The following ABCC6 variants were observed in gnomAD, a reference collection of about 807,000 sequenced individuals.
ABCC6 encodes the protein ATP-binding cassette sub-family C member 6.
A neutral mutation model predicts 169.5 loss-of-function variants in ABCC6; 126 were observed. The ratio of observed to expected loss-of-function variants is 0.74; its 90% CI spans 0.64 to 0.86. The LOEUF (loss-of-function observed/expected upper bound fraction) is 0.86, where lower values mean the gene tolerates loss of function less well. Ranked by LOEUF, ABCC6 falls within the 40% of genes least tolerant of loss-of-function variation. ABCC6 has a pLI of 0.00. For synonymous variants in ABCC6, 752 were observed against 814.7 expected (o/e 0.92, Z 1.31); for missense variants, 1,733 against 1,927.2 (o/e 0.90, Z 1.89).
intron 24 of ABCC6, among the ~76,000 whole-genome samples, chr16:16,162,563 G>A (rs756760468): frequency 8.5e-5 from 13 of 152,202 alleles, no homozygotes; most frequent in Non-Finnish European, 1.8e-4. Flanking sequence ...CCATGAGCAC[G>A]ATCCCAGTTT....
At chr16:16,160,413 G>T (rs1194921483) in intron 25 of ABCC6, among the ~76,000 whole-genome samples, 1 of 151,992 alleles carries the variant, frequency 6.6e-6, no homozygotes, top group Non-Finnish European at 1.5e-5. Context: ...TAAGCAGGAA[G>T]ATTGTTTGAA....
rs1220230095 is a variant in ABCC6 at position 16,203,475 on chromosome 16, G to A, written c.933C>T (p.Phe311=). 1.2e-6 allele frequency: 2 copies of A among 1,613,888 alleles called. No individual in the cohort carries two copies. The highest frequency in any genetic ancestry group is 2.7e-5 in the African/African-American group (2 of 74,926). The change falls in exon 8 of 31, where the codon TTC becomes TTT. Residue 311 remains phenylalanine, a synonymous_variant. Transcript: ENST00000205557. ...KAIWQVFHST[F]LLGTLSLIIS... is the part of the protein sequence containing the mutation. ...TGATGAGGCTGAGGGTCCCCAGGAGGAAGGTAGAATGGAACACCTGCCAGA... is the reference window on the plus strand; with the variant it reads ...TGATGAGGCTGAGGGTCCCCAGGAGAAAGGTAGAATGGAACACCTGCCAGA...
intron 15 of ABCC6, among the ~76,000 whole-genome samples, chr16:16,183,354 C>T (rs767012883): frequency 1.8e-4 from 28 of 152,146 alleles, no homozygotes; most frequent in Non-Finnish European, 2.5e-4. Context: ...TTGGCTCTTG[C>T]GATAAATAGG....
chr16:16,217,879 C>T (rs2048939050), intron 4 of ABCC6, among the ~76,000 whole-genome samples: 1 of 152,200 alleles, frequency 6.6e-6, no homozygotes, highest in Non-Finnish European at 1.5e-5. Context: ...CACTTGAGGT[C>T]AGGCATTTGA....
intron 14 of ABCC6, among the ~76,000 whole-genome samples, chr16:16,185,618 T>TA (rs1252214899): frequency 1.3e-5 from 2 of 152,054 alleles, no homozygotes; most frequent in Admixed American, 1.3e-4. Flanking sequence ...ACCCTGCCTC[T>TA]ACCAAAAAAT....
rs1350480031 is a variant in ABCC6, at chr16:16,171,920, T to A, written c.2787+1364A>T. ...ATGGATAAATGAATGGGTGGGTGGG[T>A]GGGTGGATAAATGGGTGGGTGGGAT... On this transcript the variant is annotated intron_variant, in intron 21 of 30. Transcript: ENST00000205557. Among the ~76,000 whole-genome samples the A allele has an allele frequency of 4.4e-3, 30 of 6,768 alleles. 1 individual carries two copies. Among genetic ancestry groups the A allele is most frequent in the Non-Finnish European group, 6.6e-3 (21 of 3,168 alleles). 4.4% of individuals were successfully genotyped at this position (6,768 alleles called of 152,430 possible). A position where few individuals can be genotyped will look rare whatever the true frequency, so the allele number is the denominator to read the frequency against.
At chr16:16,201,975 A>G (rs776518837) in intron 9 of ABCC6, 26 bp downstream of exon 9, 1 of 1,613,724 alleles carries the variant, frequency 6.2e-7, no homozygotes, top group African/African-American at 1.3e-5. Context: ...GGCTGGGAAG[A>G]CCTGCCCTTG....
In ABCC6 at chr16:16,154,922, G is replaced by A. The variant is rs752785718; in HGVS notation, c.3992C>T (p.Ala1331Val). ...GGIWIDGVPI[A>V]HVGLHTLRSR... Reference sequence around the variant, plus strand: ...GCGCAGTGTGTGCAGCCCCACGTGGGCAATGGGGACCCCGTCGATCCAGAT... The same window carrying A: ...GCGCAGTGTGTGCAGCCCCACGTGGACAATGGGGACCCCGTCGATCCAGAT... Residue 1331 changes from alanine to valine, a missense_variant, in exon 28 of 31, where the codon GCC becomes GTC. Ala to Val is a moderately conservative substitution (Grantham distance 64, BLOSUM62 0). This residue lies in a region of ABCC6 where 1,601 missense variants were observed against 1,635.5 expected (regional missense o/e 0.98). Coordinates refer to ENST00000205557, the MANE Select transcript of ABCC6 (RefSeq NM_001171.6). The A allele has an allele frequency of 3.7e-6, 6 of 1,607,936 alleles. No homozygotes were observed. Among genetic ancestry groups the A allele is most frequent in the African/African-American group, 2.7e-5 (2 of 74,728 alleles).
intron 12 of ABCC6, 54 bp from the exon 13 acceptor site, chr16:16,189,028 G>A (rs2047751733): frequency 6.3e-7 from 1 of 1,597,380 alleles, no homozygotes; most frequent in Non-Finnish European, 8.5e-7. Context: ...AGCATGGATA[G>A]GGCAGCCTGG....
intron 27 of ABCC6, 68 bp downstream of exon 27, chr16:16,157,595 T>G: frequency 6.3e-7 from 1 of 1,599,890 alleles, no homozygotes; most frequent in South Asian, 1.1e-5. Flanking sequence ...GCCCAGGGTT[T>G]AGGGCCTTGT....
At chr16:16,193,552 A>G (rs568536170) in intron 10 of ABCC6, among the ~76,000 whole-genome samples, 20 of 152,248 alleles carry the variant, frequency 1.3e-4, no homozygotes, top group Admixed American at 7.2e-4. Context: ...AGTCTCTACT[A>G]AAAATATAAA....
intron 29 of ABCC6, among the ~76,000 whole-genome samples, chr16:16,151,921 G>A (rs575994350): frequency 2.6e-5 from 4 of 152,028 alleles, no homozygotes; most frequent in South Asian, 2.1e-4. Context: ...GGCGGGGCAC[G>A]GCGGCTCACA....
At chr16:16,163,883 G>C (rs1469141405) in intron 23 of ABCC6, among the ~76,000 whole-genome samples, 1 of 152,166 alleles carries the variant, frequency 6.6e-6, no homozygotes, top group Non-Finnish European at 1.5e-5. Context: ...GGATTCAGCA[G>C]CTGTCCTGAG....
At chr16:16,164,895 A>G (rs758417634) in intron 23 of ABCC6, among the ~76,000 whole-genome samples, 1 of 152,192 alleles carries the variant, frequency 6.6e-6, no homozygotes, top group Non-Finnish European at 1.5e-5. Context: ...CTGTGTCCTG[A>G]TGACAACTGG....
Position 16,161,337 on chromosome 16 carries a change from G to C in ABCC6, c.3633+101C>G, listed in dbSNP as rs2046709177. The stretch of plus-strand genomic sequence containing the variant: ...TTGGTGGAGGGACTCCACACACCAT[G>C]TTGGTTTGGACACAGGGTCTTCAAA... On this transcript the variant is annotated intron_variant, in intron 25 of 30. Transcript: ENST00000205557. 10 of 1,557,174 alleles carry C rather than the reference G, an allele frequency of 6.4e-6. No homozygotes were observed. In the East Asian group the frequency reaches 2.0e-4, roughly 32 times the overall value.
chr16:16,208,913 T>G, intron 6 of ABCC6, 54 bp from the exon 7 acceptor site: 1 of 1,613,216 alleles, frequency 6.2e-7, no homozygotes, highest in African/African-American at 1.3e-5. Flanking sequence ...CCCTGCAGGA[T>G]CCTGGCCAGG....
chr16:16,169,687 G>A lies in ABCC6; in HGVS notation c.2954C>T (p.Ala985Val). 2 of 1,611,418 alleles carry A rather than the reference G, an allele frequency of 1.2e-6. No individual in the cohort carries two copies. The highest frequency in any genetic ancestry group is 2.0e-4 in the Middle Eastern group (1 of 5,056). The change falls in exon 22 of 31, where the codon GCC becomes GTC. Residue 985 changes from alanine to valine, a missense_variant. Around this residue, in one of 5 missense-constraint regions of ABCC6, gnomAD observed 1,601 missense variants for 1,635.5 expected, o/e 0.98. Transcript: ENST00000205557. ...GAGCCCGAAGATCCCGCCACGCAGGGCTGCCTGCGTCTGCTGCCCACCTAC... is the reference window on the plus strand; with the variant it reads ...GAGCCCGAAGATCCCGCCACGCAGGACTGCCTGCGTCTGCTGCCCACCTAC... ...PAVGGQQTQA[A>V]LRGGIFGLLG... is the part of the protein sequence containing the mutation.
At chr16:16,173,544 A>T in intron 20 of ABCC6, 140 bp from the exon 21 acceptor site, 1 of 1,075,514 alleles carries the variant, frequency 9.3e-7, no homozygotes, top group Non-Finnish European at 1.4e-6. Flanking sequence ...ATCTAACAGA[A>T]TACTGACCAG....
In ABCC6 at chr16:16,187,596, C is replaced by T. The variant is rs1025800856; in HGVS notation, c.1780-385G>A. Among the ~76,000 whole-genome samples the T allele has an allele frequency of 6.6e-5, 10 of 152,284 alleles. No homozygotes were observed. The South Asian group carries it at 1.0e-3, about 16-fold the overall frequency. On this transcript the variant is annotated intron_variant, in intron 13 of 30. Coordinates refer to ENST00000205557, the MANE Select transcript of ABCC6 (RefSeq NM_001171.6). Reference sequence around the variant, plus strand: ...ATCTTTGGGGAAGAAAGAGACCAGTCGTTAAAATAGAGATTAGGCCAGGTG... The same window carrying T: ...ATCTTTGGGGAAGAAAGAGACCAGTTGTTAAAATAGAGATTAGGCCAGGTG...
Sources: gnomAD v4.1 joint callset for allele counts (sites outside exome capture counted in the v4.1 genomes callset) on GRCh38, gnomAD v4.1.1 for gene constraint, gnomAD v4.1.1 regional missense constraint, MANE v1.5 for transcripts, NCBI Gene and HGNC (gene_info 2026-07-23, HGNC 2026-07-21) for gene names.